Variants in CTNNA3 observed in about 807,000 individuals in gnomAD.
The protein encoded by CTNNA3 is catenin alpha-3.
CTNNA3 carries 76 observed loss-of-function variants against 95.7 expected under a neutral mutation model. The observed-to-expected ratio is 0.79, with a 90% confidence interval of 0.66 to 0.96. The LOEUF (loss-of-function observed/expected upper bound fraction) is 0.96, where lower values mean the gene tolerates loss of function less well. Among genes scored for constraint, CTNNA3 ranks in the 40% least tolerant of loss-of-function variants. The pLI, the probability that CTNNA3 is intolerant of heterozygous loss-of-function variation, is 0.00. For missense variants in CTNNA3, 1,191 were observed against 1,089.8 expected, an observed-to-expected ratio of 1.09 and a Z score of -1.31; for synonymous variants, 431 against 374.4, an observed-to-expected ratio of 1.15 and a Z score of -1.74.
At chr10:66,620,087 T>C (rs1246869662) in intron 10 of CTNNA3, among the ~76,000 whole-genome samples, 1 of 152,152 alleles carries the variant, frequency 6.6e-6, no homozygotes, top group Admixed American at 6.5e-5. Context: ...GTATGTTGAA[T>C]AATAATACTT....
intron 7 of CTNNA3, among the ~76,000 whole-genome samples, chr10:66,867,456 C>T (rs1236000562): frequency 1.4e-5 from 2 of 146,964 alleles, no homozygotes; most frequent in East Asian, 3.9e-4. Context: ...AAGGCACTGC[C>T]CAGGACATTC....
chr10:66,467,513 C>T (rs1838966797), intron 11 of CTNNA3, among the ~76,000 whole-genome samples: 2 of 152,024 alleles, frequency 1.3e-5, no homozygotes, highest in South Asian at 4.1e-4. Context: ...TTTTCCTTGC[C>T]AGTGACTGGT....
chr10:66,712,314 G>A (rs147007735), intron 9 of CTNNA3, among the ~76,000 whole-genome samples: 2 of 152,126 alleles, frequency 1.3e-5, no homozygotes, highest in Non-Finnish European at 2.9e-5. Flanking sequence ...TTAGAATACA[G>A]GATTTTAAAA....
chr10:66,684,032 T>A (rs1847161006), intron 9 of CTNNA3, among the ~76,000 whole-genome samples: 1 of 152,302 alleles, frequency 6.6e-6, no homozygotes, highest in South Asian at 2.1e-4. Context: ...GTGTGAGACA[T>A]GGCTCCTAAA....
At chr10:66,909,243 G>A (rs1415732715) in intron 7 of CTNNA3, among the ~76,000 whole-genome samples, 1 of 152,166 alleles carries the variant, frequency 6.6e-6, no homozygotes, top group Non-Finnish European at 1.5e-5. Flanking sequence ...AGCCGGGCGC[G>A]GTGGCTCATT....
At chr10:66,189,177 T>C (rs144014135) in intron 13 of CTNNA3, among the ~76,000 whole-genome samples, 2 of 152,142 alleles carry the variant, frequency 1.3e-5, no homozygotes, top group Non-Finnish European at 2.9e-5. Flanking sequence ...CGTATGCTGC[T>C]TTTACATTTT....
At chr10:66,316,051 T>A (rs1589075456) in intron 12 of CTNNA3, among the ~76,000 whole-genome samples, 1 of 152,202 alleles carries the variant, frequency 6.6e-6, no homozygotes, top group Middle Eastern at 3.4e-3. Context: ...CCATGGCATG[T>A]TTCTGGTCAC....
chr10:66,030,936 T>G (rs1369887441), intron 15 of CTNNA3, among the ~76,000 whole-genome samples: 2 of 151,818 alleles, frequency 1.3e-5, no homozygotes, highest in Non-Finnish European at 2.9e-5. Flanking sequence ...AACATACATA[T>G]GAAAAAAATG....
At chr10:66,834,185 T>C (rs1189835391) in intron 7 of CTNNA3, among the ~76,000 whole-genome samples, 2 of 152,174 alleles carry the variant, frequency 1.3e-5, no homozygotes, top group African/African-American at 4.8e-5. Context: ...TTTGTACCTA[T>C]TATGTGTACT....
chr10:66,051,287 A>G (rs1368883051), intron 15 of CTNNA3, among the ~76,000 whole-genome samples: 1 of 152,252 alleles, frequency 6.6e-6, no homozygotes, highest in African/African-American at 2.4e-5. Flanking sequence ...AATCCTGTGT[A>G]TAATACATGA....
At chr10:66,020,634 A>T (rs529655138) in intron 15 of CTNNA3, among the ~76,000 whole-genome samples, 2 of 151,348 alleles carry the variant, frequency 1.3e-5, no homozygotes, top group Non-Finnish European at 2.9e-5. Context: ...AATATTTCAC[A>T]TGCTTGAAGC....
intron 7 of CTNNA3, among the ~76,000 whole-genome samples, chr10:67,175,818 A>C (rs78180637): frequency 1.3e-5 from 2 of 152,302 alleles, no homozygotes; most frequent in Middle Eastern, 3.4e-3. Context: ...TTAGAACTCA[A>C]ACATGATGGC....
chr10:67,710,274 A>G (rs569685359), intron 1 of CTNNA3, among the ~76,000 whole-genome samples: 31 of 152,260 alleles, frequency 2.0e-4, no homozygotes, highest in Admixed American at 8.5e-4. Context: ...AGAATAATTC[A>G]GATTTCTAGG....
At chr10:66,449,256 GA>G (rs1589267789) in intron 11 of CTNNA3, among the ~76,000 whole-genome samples, 1 of 152,022 alleles carries the variant, frequency 6.6e-6, no homozygotes, top group South Asian at 2.1e-4. Context: ...CAGATTACGG[GA>G]AAAATCACTG....
At chr10:67,706,162 C>G (rs1841077605) in intron 1 of CTNNA3, among the ~76,000 whole-genome samples, 1 of 151,898 alleles carries the variant, frequency 6.6e-6, no homozygotes, top group African/African-American at 2.4e-5. Context: ...GTAAAAATAG[C>G]CGAAACTCTC....
intron 13 of CTNNA3, among the ~76,000 whole-genome samples, chr10:66,183,914 G>A (rs75743409): frequency 0.075 from 11,373 of 151,742 alleles, 534 homozygotes; most frequent in Admixed American, 0.12. Flanking sequence ...TTACCTTATT[G>A]AATTGAAGGT....
chr10:65,990,757 G>A (rs1266881562), intron 15 of CTNNA3, among the ~76,000 whole-genome samples: 3 of 151,778 alleles, frequency 2.0e-5, no homozygotes, highest in Non-Finnish European at 2.9e-5. Context: ...ATGTGCAGAA[G>A]CTTTTTAGTT....
At chr10:67,595,496 A>C (rs1485053767) in intron 3 of CTNNA3, among the ~76,000 whole-genome samples, 2 of 152,128 alleles carry the variant, frequency 1.3e-5, no homozygotes, top group African/African-American at 4.8e-5. Flanking sequence ...GAGGACCTGG[A>C]ATGTGGTTGG....
intron 7 of CTNNA3, among the ~76,000 whole-genome samples, chr10:66,875,012 A>G (rs945781373): frequency 6.6e-6 from 1 of 152,182 alleles, no homozygotes; most frequent in African/African-American, 2.4e-5. Context: ...TATGAAGGAC[A>G]AGTGCAGTCT....
Sources: allele counts gnomAD v4.1 joint callset (sites outside exome capture counted in the v4.1 genomes callset), GRCh38; gene constraint gnomAD v4.1.1; transcripts MANE v1.5; gene names NCBI Gene and HGNC (gene_info 2026-07-23, HGNC 2026-07-21).